Variants in NEK11 observed in about 807,000 individuals in gnomAD.
NEK11 encodes serine/threonine-protein kinase Nek11.
A neutral mutation model predicts 80.7 loss-of-function variants in NEK11; 72 were observed. The ratio of observed to expected loss-of-function variants is 0.89; its 90% CI spans 0.74 to 1.08. The LOEUF is 1.08. NEK11 is among the 50% of genes least tolerant of loss of function. NEK11 has a pLI of 0.00. For synonymous variants in NEK11, 251 were observed against 260.7 expected (o/e 0.96, Z 0.36); for missense variants, 764 against 763.6 (o/e 1.00, Z -0.01).
intron 17 of NEK11, among the ~76,000 whole-genome samples, chr3:131,337,522 G>A (rs948038301): frequency 2.0e-5 from 3 of 151,820 alleles, no homozygotes; most frequent in Admixed American, 6.6e-5. Flanking sequence ...GCTAAATGAC[G>A]AGTTAATGGG....
intron 14 of NEK11, among the ~76,000 whole-genome samples, chr3:131,194,296 A>T (rs1316847527): frequency 6.6e-6 from 1 of 152,196 alleles, no homozygotes; most frequent in East Asian, 1.9e-4. Flanking sequence ...GGTGTATTTG[A>T]CAAAGACACT....
At chr3:131,162,034 A>G (rs540101846) in intron 10 of NEK11, among the ~76,000 whole-genome samples, 1 of 152,218 alleles carries the variant, frequency 6.6e-6, no homozygotes, top group South Asian at 2.1e-4. Flanking sequence ...TGGAGGTGGG[A>G]TTCGAACCCT....
intron 17 of NEK11, among the ~76,000 whole-genome samples, chr3:131,324,917 T>A (rs1344247006): frequency 6.6e-6 from 1 of 152,220 alleles, no homozygotes; most frequent in Non-Finnish European, 1.5e-5. Flanking sequence ...TTTTTAAAAT[T>A]ACTCTGTCCC....
chr3:131,100,303 A>G (rs12637256), intron 4 of NEK11, among the ~76,000 whole-genome samples: 2,055 of 152,310 alleles, frequency 0.013, 28 homozygotes, highest in East Asian at 0.08. Flanking sequence ...TCCCAAAAAT[A>G]AGGCCTACTT....
intron 17 of NEK11, among the ~76,000 whole-genome samples, chr3:131,337,875 A>C (rs1486935809): frequency 6.6e-6 from 1 of 152,182 alleles, no homozygotes; most frequent in Non-Finnish European, 1.5e-5. Flanking sequence ...AACAGGAGTT[A>C]TATCGCATAC....
chr3:131,118,008 A>G lies in NEK11; in HGVS notation c.455+8087A>G, dbSNP rs904226468. 4.9e-4 allele frequency among the ~76,000 whole-genome samples: 75 copies of G among 152,232 alleles called. 1 individual carries two copies. Among genetic ancestry groups the G allele is most frequent in the African/African-American group, 1.7e-3 (72 of 41,540 alleles). On this transcript the variant is annotated intron_variant, in intron 5 of 17. Coordinates refer to ENST00000383366, the MANE Select transcript of NEK11 (RefSeq NM_024800.5). ...TCCCCTGACCAGAACTTCCAACACT[A>G]TGTTGAATAGGAGTGGTGAGAGAGG...
rs183528746 is a variant in NEK11, at chr3:131,071,143, T to A, written c.171-9280T>A. Among the ~76,000 whole-genome samples, 41 of 152,238 alleles carry A rather than the reference T, an allele frequency of 2.7e-4. No individual in the cohort carries two copies. The East Asian group carries it at 6.9e-3, about 26-fold the overall frequency. Reference sequence around the variant, plus strand: ...TTTTTTCAGGTATGAATATCTGCCATTTTTTTGTCTATGCTAATGTTATTA... The same window carrying A: ...TTTTTTCAGGTATGAATATCTGCCAATTTTTTGTCTATGCTAATGTTATTA... On this transcript the variant is annotated intron_variant, in intron 3 of 17. Transcript: ENST00000383366.
At chr3:131,224,441 C>T (rs182171044) in intron 14 of NEK11, among the ~76,000 whole-genome samples, 1 of 152,236 alleles carries the variant, frequency 6.6e-6, no homozygotes, top group East Asian at 1.9e-4. Context: ...GTTGCCCAGG[C>T]TGTTCTCGAA....
At chr3:131,277,294 T>C (rs2096309985) in intron 17 of NEK11, among the ~76,000 whole-genome samples, 1 of 152,230 alleles carries the variant, frequency 6.6e-6, no homozygotes. Flanking sequence ...CATCATATGT[T>C]ATATCCATAA....
chr3:131,158,841 T>C (rs2149892583), intron 10 of NEK11, among the ~76,000 whole-genome samples: 1 of 152,340 alleles, frequency 6.6e-6, no homozygotes, highest in South Asian at 2.1e-4. Context: ...AGGATGGATC[T>C]GCTGCCACCA....
intron 3 of NEK11, among the ~76,000 whole-genome samples, chr3:131,067,163 A>T (rs2072192074): frequency 6.6e-6 from 1 of 152,172 alleles, no homozygotes; most frequent in African/African-American, 2.4e-5. Flanking sequence ...GGTGCATGAC[A>T]GTTTCTTATA....
chr3:131,146,272 A>G (rs1052304776), intron 7 of NEK11, among the ~76,000 whole-genome samples: 3 of 152,048 alleles, frequency 2.0e-5, no homozygotes, highest in African/African-American at 7.2e-5. Flanking sequence ...CAGTTTTCAG[A>G]TTATTATGTG....
At chr3:131,176,825 T>A (rs2093044648) in intron 14 of NEK11, among the ~76,000 whole-genome samples, 1 of 152,162 alleles carries the variant, frequency 6.6e-6, no homozygotes, top group East Asian at 1.9e-4. Context: ...CTGGGAAGGC[T>A]ATATGTCATC....
intron 17 of NEK11, among the ~76,000 whole-genome samples, chr3:131,335,706 T>C (rs1486054525): frequency 6.6e-6 from 1 of 152,158 alleles, no homozygotes. Context: ...CATGATTGTA[T>C]ATCTAGAAAA....
In NEK11 at chr3:131,039,893, A is replaced by G. The variant is rs144722413; in HGVS notation, c.170+10015A>G. On this transcript the variant is annotated intron_variant, in intron 3 of 17. Coordinates refer to ENST00000383366, the MANE Select transcript of NEK11 (RefSeq NM_024800.5). Reference sequence around the variant, plus strand: ...GACTTACAAGTCAACATGAGAGACAAGCAACCCTTATGTTAGTAATAGTTT... The same window carrying G: ...GACTTACAAGTCAACATGAGAGACAGGCAACCCTTATGTTAGTAATAGTTT... 5.3e-5 allele frequency among the ~76,000 whole-genome samples: 8 copies of G among 152,346 alleles called. No individual in the cohort carries two copies. The South Asian group carries it at 1.0e-3, about 20-fold the overall frequency.
intron 4 of NEK11, among the ~76,000 whole-genome samples, chr3:131,087,559 A>G (rs531786781): frequency 6.6e-6 from 1 of 152,200 alleles, no homozygotes; most frequent in South Asian, 2.1e-4. Flanking sequence ...CTTAACCACT[A>G]ATAGGCCTGC....
At chr3:131,188,814 C>G (rs922781108) in intron 14 of NEK11, among the ~76,000 whole-genome samples, 2 of 152,066 alleles carry the variant, frequency 1.3e-5, no homozygotes, top group Non-Finnish European at 2.9e-5. Context: ...TCCTCTACCC[C>G]AAAGTGTTTC....
intron 3 of NEK11, among the ~76,000 whole-genome samples, chr3:131,051,379 C>T (rs891903903): frequency 2.0e-5 from 3 of 152,152 alleles, no homozygotes; most frequent in African/African-American, 7.2e-5. Flanking sequence ...TAATTTTGAG[C>T]ATGAGTCCTG....
chr3:131,141,101 G>T (rs2086794874), intron 7 of NEK11, among the ~76,000 whole-genome samples: 1 of 152,014 alleles, frequency 6.6e-6, no homozygotes, highest in Admixed American at 6.6e-5. Flanking sequence ...CCTCAGAAAG[G>T]CAGTGTACCA....
Sources: gnomAD v4.1 joint callset for allele counts (sites outside exome capture counted in the v4.1 genomes callset) on GRCh38, gnomAD v4.1.1 for gene constraint, MANE v1.5 for transcripts, NCBI Gene and HGNC (gene_info 2026-07-23, HGNC 2026-07-21) for gene names.